HEATR1: variants seen among roughly 807,000 people sequenced by gnomAD.
HEATR1 encodes HEAT repeat-containing protein 1.
A neutral mutation model predicts 248.2 loss-of-function variants in HEATR1; 77 were observed. That is an observed-to-expected ratio of 0.31 (90% CI 0.26 to 0.37). The LOEUF is 0.37. Ranked by LOEUF, HEATR1 falls within the 10% of genes least tolerant of loss-of-function variation. The pLI, the probability that HEATR1 is intolerant of heterozygous loss-of-function variation, is 1.00. For synonymous variants in HEATR1, 897 were observed against 923.1 expected (o/e 0.97, Z 0.51); for missense variants, 2,420 against 2,504.9 (o/e 0.97, Z 0.72).
Position 236,571,669 on chromosome 1 carries a change from G to A in HEATR1, c.3725C>T (p.Pro1242Leu). ...NLLSRCLEPL[P>L]QEQGNMEYTK... ...GTATTCCATATTTCCCTGCTCTTGT[G>A]GCAAGGGTTCTAAACATCTTCAGGA... The change falls in exon 27 of 45, where the codon CCA (proline) becomes CTA (leucine). Residue 1242 changes from proline to leucine, a missense_variant. Physicochemically the swap from Pro to Leu is moderately conservative, Grantham distance 98. Coordinates refer to ENST00000366582, the MANE Select transcript of HEATR1 (RefSeq NM_018072.6). 2.5e-6 allele frequency: 4 copies of A among 1,613,294 alleles called. No homozygotes were observed. Among genetic ancestry groups the A allele is most frequent in the Non-Finnish European group, 3.4e-6 (4 of 1,179,338 alleles).
At chr1:236,562,267 A>C (rs746870060) in intron 32 of HEATR1, among the ~76,000 whole-genome samples, 4 of 152,246 alleles carry the variant, frequency 2.6e-5, no homozygotes, top group Non-Finnish European at 5.9e-5. Flanking sequence ...GCAGAGCAAT[A>C]ATCTTCTCTC....
chr1:236,596,535 C>G (rs1398479731), intron 6 of HEATR1, among the ~76,000 whole-genome samples: 1 of 152,164 alleles, frequency 6.6e-6, no homozygotes, highest in Non-Finnish European at 1.5e-5. Flanking sequence ...TTGCTTACGC[C>G]TCAAAGAGAC....
chr1:236,595,716 T>C (rs1664161086), intron 7 of HEATR1, 43 bp from the exon 8 acceptor site: 7 of 1,577,464 alleles, frequency 4.4e-6, no homozygotes, highest in Non-Finnish European at 6.1e-6. Context: ...CTTTACAAGT[T>C]AGACAATGAG....
intron 33 of HEATR1, among the ~76,000 whole-genome samples, chr1:236,560,605 A>C (rs1663107012): frequency 6.6e-6 from 1 of 152,234 alleles, no homozygotes; most frequent in Non-Finnish European, 1.5e-5. Flanking sequence ...GCTGCAGGGC[A>C]GGCACTTTCC....
intron 12 of HEATR1, among the ~76,000 whole-genome samples, chr1:236,590,484 C>T (rs1477764442): frequency 2.6e-5 from 4 of 152,100 alleles, no homozygotes; most frequent in Non-Finnish European, 1.5e-5. Flanking sequence ...TGATCCTTCT[C>T]ACAGAGTGCT....
intron 32 of HEATR1, among the ~76,000 whole-genome samples, chr1:236,562,989 A>G (rs746596381): frequency 1.3e-5 from 2 of 152,160 alleles, no homozygotes; most frequent in Non-Finnish European, 2.9e-5. Flanking sequence ...ACAGATCACA[A>G]CCTACACTGA....
chr1:236,550,896 AAAGTCT>A lies in HEATR1; in HGVS notation c.6435_*5del. 1 of 1,590,028 alleles carries A rather than the reference AAAGTCT, an allele frequency of 6.3e-7. No individual in the cohort carries two copies. Among genetic ancestry groups the A allele is most frequent in the Non-Finnish European group, 8.5e-7 (1 of 1,170,608 alleles). On this transcript the variant is annotated stop_lost and 3_prime_UTR_variant, in exon 45 of 45. Coordinates refer to ENST00000366582, the MANE Select transcript of HEATR1 (RefSeq NM_018072.6). ...CTGAGTAGAGTATGAAACACCACAG[AAAGTCT>A]TAGAAATAGCTCTGGAGTGGCTCTC...
At chr1:236,593,880 T>C (rs1188164725) in intron 9 of HEATR1, 132 bp downstream of exon 9, 6 of 619,846 alleles carry the variant, frequency 9.7e-6, no homozygotes, top group East Asian at 3.0e-5. Flanking sequence ...TAAGTACTTA[T>C]AGTTAATGAA....
chr1:236,582,748 T>G lies in HEATR1; in HGVS notation c.2550A>C (p.Lys850Asn). 1 of 1,614,096 alleles carries G rather than the reference T, an allele frequency of 6.2e-7. No individual in the cohort carries two copies. ...ADAVHFRVLM[K>N]LFIKVHLEDV... ...AGGAGGCTTGTACCTTTATGAAAAG[T>G]TTCATCAGAACTCTGAAATGAACAG... The change falls in exon 19 of 45, where the codon AAA (lysine) becomes AAC (asparagine). Residue 850 changes from lysine (K) to asparagine (N), a missense_variant. Lys to Asn is a moderately conservative substitution (Grantham distance 94). Transcript: ENST00000366582.
intron 9 of HEATR1, among the ~76,000 whole-genome samples, chr1:236,593,099 C>G (rs1168896782): frequency 6.6e-6 from 1 of 151,948 alleles, no homozygotes; most frequent in Non-Finnish European, 1.5e-5. Context: ...GAGGCTGAGG[C>G]AGGAGAATCG....
In HEATR1 at chr1:236,564,546, T is replaced by C; in HGVS notation, c.4551A>G (p.Ser1517=). 1.2e-6 allele frequency: 2 copies of C among 1,614,038 alleles called. No homozygotes were observed. The highest frequency in any genetic ancestry group is 1.7e-6 in the Non-Finnish European group (2 of 1,180,010). The stretch of plus-strand genomic sequence containing the variant: ...ACAGGAGCTGAGACATGAAGGACAC[T>C]GACAAAAATTTAAAATGCCGCAGTT... ...SKQLRHFKFL[S]VSFMSQLLSS... Residue 1517 remains serine (S), a synonymous_variant, in exon 32 of 45, where the codon TCA becomes TCG. Transcript: ENST00000366582.
In HEATR1 at chr1:236,585,049, C is replaced by A; in HGVS notation, c.2217G>T (p.Lys739Asn). The A allele has an allele frequency of 1.2e-6, 2 of 1,613,102 alleles. No homozygotes were observed. Among genetic ancestry groups the A allele is most frequent in the Non-Finnish European group, 1.7e-6 (2 of 1,179,686 alleles). Residue 739 changes from lysine to asparagine, a missense_variant, in exon 17 of 45, where the codon AAG becomes AAT. Lys to Asn is a moderately conservative substitution (Grantham distance 94). Coordinates refer to ENST00000366582, the MANE Select transcript of HEATR1 (RefSeq NM_018072.6). ...CCACTGCAGTAATGACACTTTCAAG[C>A]TTCTTTATTTTTTTCTGCAACAAAC... ...VFSLLQKKIK[K>N]LESVITAVEI...
At chr1:236,566,182 A>G in intron 30 of HEATR1, 137 bp from the exon 31 acceptor site, 1 of 761,880 alleles carries the variant, frequency 1.3e-6, no homozygotes, top group Admixed American at 3.1e-5. Flanking sequence ...CTACTCCCAG[A>G]TCCCATGTCT....
intron 20 of HEATR1, among the ~76,000 whole-genome samples, chr1:236,578,636 G>T (rs1039648618): frequency 4.9e-4 from 74 of 152,132 alleles, no homozygotes; most frequent in African/African-American, 1.7e-3. Context: ...ATGAACTCTA[G>T]CTAGGTAAAT....
Position 236,590,918 on chromosome 1 carries a change from G to C in HEATR1, c.1459C>G (p.Leu487Val), listed in dbSNP as rs1182704457. The part of the protein sequence containing the change: ...ADSDTSLMLS[L>V]NHPLAPVRIL... ...CTCACAGGAGCAAGTGGATGATTCAGGCTGAGCATCAAAGAAGTATCAGAA... is the reference window on the plus strand; with the variant it reads ...CTCACAGGAGCAAGTGGATGATTCACGCTGAGCATCAAAGAAGTATCAGAA... Residue 487 changes from leucine to valine, a missense_variant, in exon 12 of 45, where the codon CTG (leucine) becomes GTG (valine). Transcript: ENST00000366582. 9 of 1,515,948 alleles carry C rather than the reference G, an allele frequency of 5.9e-6. No homozygotes were observed. The highest frequency in any genetic ancestry group is 8.0e-6 in the Non-Finnish European group (9 of 1,123,406). 93.9% of individuals were successfully genotyped at this position (1,515,948 alleles called of 1,614,324 possible).
chr1:236,573,213 A>G (rs1177570643), intron 24 of HEATR1, among the ~76,000 whole-genome samples: 1 of 152,164 alleles, frequency 6.6e-6, no homozygotes, highest in East Asian at 1.9e-4. Flanking sequence ...GAGTCACTCA[A>G]TTTCACGCTC....
intron 21 of HEATR1, 53 bp from the exon 22 acceptor site, chr1:236,576,430 C>T: frequency 1.6e-6 from 2 of 1,278,642 alleles, no homozygotes; most frequent in Non-Finnish European, 1.1e-6. Flanking sequence ...ACTACAAAGG[C>T]TAAATATATT....
At chr1:236,587,371 C>A in intron 14 of HEATR1, 31 bp downstream of exon 14, 1 of 1,098,016 alleles carries the variant, frequency 9.1e-7, no homozygotes, top group South Asian at 2.0e-5. Context: ...TTCATCAATT[C>A]AAAATAGTAT....
intron 33 of HEATR1, 128 bp downstream of exon 33, chr1:236,561,097 C>A (rs1663118527): frequency 8.5e-6 from 6 of 709,942 alleles, no homozygotes; most frequent in Non-Finnish European, 1.2e-5. Context: ...GCAAATGTGG[C>A]AGAAAGTATT....
Sources: allele counts gnomAD v4.1 joint callset (sites outside exome capture counted in the v4.1 genomes callset), GRCh38; gene constraint gnomAD v4.1.1; transcripts MANE v1.5; gene names NCBI Gene and HGNC (gene_info 2026-07-23, HGNC 2026-07-21).